Variants in SLC25A16 observed in about 807,000 individuals in gnomAD.
SLC25A16 encodes mitochondrial coenzyme A transporter SLC25A16.
SLC25A16 carries 39 observed loss-of-function variants against 41.5 expected under a neutral mutation model. That is an observed-to-expected ratio of 0.94 (90% CI 0.73 to 1.23). SLC25A16 has a LOEUF of 1.23. Among genes scored for constraint, SLC25A16 ranks in the 50% most tolerant of loss-of-function variants. The pLI, the probability that SLC25A16 is intolerant of heterozygous loss-of-function variation, is 0.00. For synonymous variants in SLC25A16, 146 were observed against 147.8 expected (o/e 0.99, Z 0.09); for missense variants, 421 against 426.9 (o/e 0.99, Z 0.12).
intron 4 of SLC25A16, among the ~76,000 whole-genome samples, chr10:68,500,923 T>G (rs1243974639): frequency 6.6e-6 from 1 of 150,760 alleles, no homozygotes; most frequent in Non-Finnish European, 1.5e-5. Flanking sequence ...AGAGGGAGAC[T>G]CCGTCTCAAA....
chr10:68,509,906 G>A (rs924823049), intron 2 of SLC25A16, among the ~76,000 whole-genome samples: 4 of 151,454 alleles, frequency 2.6e-5, no homozygotes, highest in East Asian at 2.0e-4. Context: ...GCCTGACCTC[G>A]TCTCTACTAA....
chr10:68,525,080 T>C (rs2053315318), intron 1 of SLC25A16, among the ~76,000 whole-genome samples: 1 of 151,910 alleles, frequency 6.6e-6, no homozygotes, highest in African/African-American at 2.4e-5. Flanking sequence ...AACTTAATAC[T>C]GCTGCAGTCT....
intron 1 of SLC25A16, chr10:68,517,207 A>C: frequency 1.0e-6 from 1 of 996,980 alleles, no homozygotes; most frequent in Non-Finnish European, 1.2e-6. Flanking sequence ...TTACGGAGAC[A>C]GACACTTGAA....
At chr10:68,523,187 T>A (rs2053276131) in intron 1 of SLC25A16, among the ~76,000 whole-genome samples, 2 of 151,976 alleles carry the variant, frequency 1.3e-5, no homozygotes, top group South Asian at 4.1e-4. Flanking sequence ...CCTCTCGCGT[T>A]CAAGTGATTC....
chr10:68,514,502 T>C (rs1484528602), intron 2 of SLC25A16, among the ~76,000 whole-genome samples: 1 of 152,064 alleles, frequency 6.6e-6, no homozygotes, highest in Non-Finnish European at 1.5e-5. Context: ...TCTCAAAAAA[T>C]AATAATAATT....
rs537067733 is a variant in SLC25A16, at chr10:68,496,595, T to G, written c.422-3025A>C. ...GTGCAAACTCTTCTCTTTCCCTCTC[T>G]TAAGTCAAGAAACTAAGGACATAAA... On this transcript the variant is annotated intron_variant, in intron 4 of 8. Coordinates refer to ENST00000609923, the MANE Select transcript of SLC25A16 (RefSeq NM_152707.4). 1.3e-5 allele frequency: 13 copies of G among 984,286 alleles called. No individual in the cohort carries two copies. In the African/African-American group the frequency reaches 2.3e-4, roughly 17 times the overall value. 61.0% of individuals were successfully genotyped at this position (984,286 alleles called of 1,614,324 possible). A position where few individuals can be genotyped will look rare whatever the true frequency, so the allele number is the denominator to read the frequency against.
intron 8 of SLC25A16, among the ~76,000 whole-genome samples, chr10:68,486,246 A>AAAC (rs1564908767): frequency 2.6e-4 from 38 of 143,460 alleles, no homozygotes; most frequent in African/African-American, 6.3e-4. Flanking sequence ...AAAAAAAAAA[A>AAAC]ACACAACCTC....
At chr10:68,494,502 G>A (rs540813121) in intron 4 of SLC25A16, among the ~76,000 whole-genome samples, 3 of 144,882 alleles carry the variant, frequency 2.1e-5, no homozygotes, top group Non-Finnish European at 4.6e-5. Context: ...GGAGGAGGGA[G>A]GGGAGGAGAG....
intron 4 of SLC25A16, among the ~76,000 whole-genome samples, chr10:68,497,440 CT>C (rs1184841785): frequency 6.6e-6 from 1 of 152,054 alleles, no homozygotes; most frequent in African/African-American, 2.4e-5. Context: ...CAAAATACAC[CT>C]GTCTATAGTT....
chr10:68,485,318 C>T (rs2052540756), intron 8 of SLC25A16, among the ~76,000 whole-genome samples: 1 of 152,142 alleles, frequency 6.6e-6, no homozygotes, highest in Admixed American at 6.6e-5. Context: ...TCTTGATCTC[C>T]TGACCTTGTG....
chr10:68,507,222 G>A (rs920172980), intron 2 of SLC25A16, among the ~76,000 whole-genome samples: 30 of 151,430 alleles, frequency 2.0e-4, no homozygotes, highest in Admixed American at 1.9e-3. Flanking sequence ...ACACGCGCCC[G>A]CCACCACACC....
chr10:68,504,088 C>T (rs948239335), intron 3 of SLC25A16, among the ~76,000 whole-genome samples: 1 of 136,068 alleles, frequency 7.3e-6, no homozygotes, highest in Non-Finnish European at 1.5e-5. Context: ...TGCAGTGGCA[C>T]GATCTCGGCT....
At position 68,524,664 on chromosome 10, in the gene SLC25A16, C is replaced by T. The variant is rs192560036; in HGVS notation, c.130+2582G>A. On this transcript the variant is annotated intron_variant, in intron 1 of 8. Coordinates refer to ENST00000609923, the MANE Select transcript of SLC25A16 (RefSeq NM_152707.4). ...CAGAGGTTGCAGTGAGCCGAGATTG[C>T]GCCACTGCACTCCAGCCTGGGCTAC... 1.5e-3 allele frequency among the ~76,000 whole-genome samples: 215 copies of T among 146,548 alleles called. 8 individuals are homozygous for T. The East Asian group carries it at 0.032, about 22-fold the overall frequency.
chr10:68,522,022 T>G (rs1473238366), intron 1 of SLC25A16, among the ~76,000 whole-genome samples: 1 of 151,830 alleles, frequency 6.6e-6, no homozygotes, highest in Non-Finnish European at 1.5e-5. Flanking sequence ...GAGCTGGGCG[T>G]GATGGCGCAC....
chr10:68,510,636 C>T (rs933376779), intron 2 of SLC25A16, among the ~76,000 whole-genome samples: 4 of 152,006 alleles, frequency 2.6e-5, no homozygotes, highest in South Asian at 4.2e-4. Flanking sequence ...GTCAGGAGAT[C>T]GAGACTATCC....
chr10:68,514,591 G>A (rs78413468), intron 2 of SLC25A16, among the ~76,000 whole-genome samples: 3,293 of 152,196 alleles, frequency 0.022, 121 homozygotes, highest in African/African-American at 0.075. Flanking sequence ...AACTGGAACC[G>A]CAAGGTCAAA....
chr10:68,513,083 A>G (rs1342515342), intron 2 of SLC25A16, among the ~76,000 whole-genome samples: 1 of 151,748 alleles, frequency 6.6e-6, no homozygotes, highest in African/African-American at 2.4e-5. Flanking sequence ...GTGAAGTCCC[A>G]CGCAGTAATC....
chr10:68,509,983 G>A (rs1299247442), intron 2 of SLC25A16, among the ~76,000 whole-genome samples: 3 of 149,698 alleles, frequency 2.0e-5, no homozygotes, highest in East Asian at 2.0e-4. Context: ...AGGCTAAGGC[G>A]GGAGAATCGC....
intron 2 of SLC25A16, among the ~76,000 whole-genome samples, chr10:68,508,403 T>TAAAA (rs59336332): frequency 0.29 from 36,574 of 125,252 alleles, 6,496 homozygotes; most frequent in Non-Finnish European, 0.41. Context: ...CAGGAAGCTT[T>TAAAA]AAAAAAAAAA....
Sources: gnomAD v4.1 joint callset for allele counts (sites outside exome capture counted in the v4.1 genomes callset) on GRCh38, gnomAD v4.1.1 for gene constraint, MANE v1.5 for transcripts, NCBI Gene and HGNC (gene_info 2026-07-23, HGNC 2026-07-21) for gene names.